The following SAE1 variants were observed in gnomAD, a reference collection of about 807,000 sequenced individuals.
SAE1 encodes the protein SUMO1 activating enzyme subunit 1, also known as SUMO-activating enzyme subunit 1.
SAE1 carries 11 observed loss-of-function variants against 40.6 expected under a neutral mutation model. That is an observed-to-expected ratio of 0.27 (90% CI 0.17 to 0.45). The LOEUF (loss-of-function observed/expected upper bound fraction) is 0.45, where lower values mean the gene tolerates loss of function less well. SAE1 is among the 20% of genes least tolerant of loss of function. The probability of loss-of-function intolerance (pLI) is 1.00; values close to 1 mark genes in which losing one functional copy is unlikely to be tolerated. For synonymous variants in SAE1, 155 were observed against 154.3 expected, an observed-to-expected ratio of 1.00 and a Z score of -0.03; for missense variants, 373 against 427.3, an observed-to-expected ratio of 0.87 and a Z score of 1.12.
chr19:47,208,638 T>C (rs995806017), intron 8 of SAE1, among the ~76,000 whole-genome samples: 5 of 152,194 alleles, frequency 3.3e-5, no homozygotes, highest in Non-Finnish European at 7.3e-5. Flanking sequence ...TTGGCCAGGC[T>C]GGTCTCCAAC....
intron 1 of SAE1, among the ~76,000 whole-genome samples, chr19:47,135,817 G>A (rs767423665): frequency 7.9e-5 from 12 of 151,562 alleles, no homozygotes; most frequent in Non-Finnish European, 1.5e-4. Flanking sequence ...TTTTTGAAAC[G>A]GAGTCTCGCC....
At chr19:47,155,594 C>T (rs1003438325) in intron 5 of SAE1, among the ~76,000 whole-genome samples, 3 of 151,862 alleles carry the variant, frequency 2.0e-5, no homozygotes, top group African/African-American at 7.3e-5. Flanking sequence ...CCAAGTAGCA[C>T]CCCTGGCTAA....
At chr19:47,135,827 C>G (rs752623673) in intron 1 of SAE1, among the ~76,000 whole-genome samples, 1 of 151,794 alleles carries the variant, frequency 6.6e-6, no homozygotes, top group Non-Finnish European at 1.5e-5. Flanking sequence ...GGAGTCTCGC[C>G]GTGTCGCCTA....
At chr19:47,168,244 TGCGAACCATTTGTGAAAGTGGTCCCA>T (rs1426602185) in intron 5 of SAE1, among the ~76,000 whole-genome samples, 11 of 152,306 alleles carry the variant, frequency 7.2e-5, no homozygotes, top group Non-Finnish European at 1.5e-4. Flanking sequence ...TGTGTTTATA[TGCGAACCATTTGTGAAAGTGGTCCCA>T]GCATGATGCC....
At chr19:47,136,494 CTTTTTT>C (rs35463823) in intron 1 of SAE1, among the ~76,000 whole-genome samples, 1 of 109,628 alleles carries the variant, frequency 9.1e-6, no homozygotes, top group African/African-American at 3.4e-5. Context: ...TTACCCGAGT[CTTTTTT>C]TTTTTTTTTT....
intron 6 of SAE1, among the ~76,000 whole-genome samples, chr19:47,179,820 T>C (rs899687213): frequency 2.6e-5 from 4 of 152,136 alleles, no homozygotes; most frequent in Admixed American, 6.6e-5. Flanking sequence ...CTGCCCAAAG[T>C]GTTGGGATTA....
chr19:47,156,425 G>A (rs1022531490), intron 5 of SAE1, among the ~76,000 whole-genome samples: 3 of 151,882 alleles, frequency 2.0e-5, no homozygotes, highest in East Asian at 1.9e-4. Flanking sequence ...GTTGCAGTGA[G>A]CCGAGACGGC....
At chr19:47,155,499 C>T (rs528121790) in intron 5 of SAE1, among the ~76,000 whole-genome samples, 10 of 152,040 alleles carry the variant, frequency 6.6e-5, no homozygotes, top group East Asian at 1.9e-4. Context: ...TTTTTCTTGT[C>T]GCTCAGGCTG....
chr19:47,181,811 G>T (rs1295712729), intron 6 of SAE1, among the ~76,000 whole-genome samples: 3 of 110,230 alleles, frequency 2.7e-5, no homozygotes, highest in East Asian at 2.7e-4. Flanking sequence ...TAATTTTACA[G>T]AATTTTTTTT....
intron 6 of SAE1, among the ~76,000 whole-genome samples, chr19:47,178,621 C>T (rs1001496726): frequency 7.2e-5 from 11 of 152,174 alleles, no homozygotes; most frequent in East Asian, 1.9e-4. Context: ...CACAGGCACA[C>T]GCCACCATGC....
At chr19:47,184,097 G>T (rs150336219) in intron 6 of SAE1, among the ~76,000 whole-genome samples, 2 of 152,112 alleles carry the variant, frequency 1.3e-5, no homozygotes, top group African/African-American at 4.8e-5. Context: ...TCAAGCTCTG[G>T]AATCGCCTGA....
intron 1 of SAE1, among the ~76,000 whole-genome samples, chr19:47,139,512 A>G (rs2058204396): frequency 6.7e-6 from 1 of 149,772 alleles, no homozygotes; most frequent in Non-Finnish European, 1.5e-5. Context: ...GAGAGAAACG[A>G]TGGTGGCTCA....
chr19:47,185,671 T>C (rs1434270183), intron 6 of SAE1, among the ~76,000 whole-genome samples: 1 of 151,694 alleles, frequency 6.6e-6, no homozygotes, highest in Non-Finnish European at 1.5e-5. Flanking sequence ...GCCCCATCTC[T>C]GCTCACTGCA....
intron 6 of SAE1, among the ~76,000 whole-genome samples, chr19:47,170,849 G>A (rs1384173093): frequency 6.6e-6 from 1 of 152,090 alleles, no homozygotes; most frequent in Non-Finnish European, 1.5e-5. Context: ...CCATCCTCAC[G>A]CTTATGAAAG....
chr19:47,203,622 C>A, intron 7 of SAE1, 49 bp from the exon 8 acceptor site: 1 of 1,546,862 alleles, frequency 6.5e-7, no homozygotes, highest in South Asian at 1.1e-5. Flanking sequence ...ATGTCATGGT[C>A]ACAGTTCTGT....
At chr19:47,154,380 G>A (rs1324933355) in intron 4 of SAE1, among the ~76,000 whole-genome samples, 1 of 151,370 alleles carries the variant, frequency 6.6e-6, no homozygotes, top group Non-Finnish European at 1.5e-5. Context: ...CACCATGCCT[G>A]GCTTCTTTGG....
At chr19:47,148,398 G>C (rs1600157191) in intron 2 of SAE1, among the ~76,000 whole-genome samples, 1 of 151,982 alleles carries the variant, frequency 6.6e-6, no homozygotes, top group East Asian at 1.9e-4. Context: ...CCTAGTCTTG[G>C]TGAAGGTGGC....
intron 7 of SAE1, among the ~76,000 whole-genome samples, chr19:47,200,399 A>ATTTTTTTT (rs35657499): frequency 3.7e-4 from 38 of 102,530 alleles, no homozygotes; most frequent in African/African-American, 4.6e-4. Flanking sequence ...AGCCTGCCTA[A>ATTTTTTTT]TTTTTTTTTT....
At chr19:47,180,115 A>T (rs2058496951) in intron 6 of SAE1, 1 of 454,432 alleles carries the variant, frequency 2.2e-6, no homozygotes, top group Admixed American at 2.4e-5. Flanking sequence ...GTGTGTATGC[A>T]TATCCACTTT....
Sources: allele counts gnomAD v4.1 joint callset (sites outside exome capture counted in the v4.1 genomes callset), GRCh38; gene constraint gnomAD v4.1.1; transcripts MANE v1.5; gene names NCBI Gene and HGNC (gene_info 2026-07-23, HGNC 2026-07-21).